The following CERT1 variants were observed in gnomAD, a reference collection of about 807,000 sequenced individuals.
The protein encoded by CERT1 is ceramide transporter 1, also known as ceramide transfer protein.
CERT1 carries 31 observed loss-of-function variants against 87.9 expected under a neutral mutation model. That is an observed-to-expected ratio of 0.35 (90% CI 0.27 to 0.48). The LOEUF is 0.48. Among genes scored for constraint, CERT1 ranks in the 20% least tolerant of loss-of-function variants. The pLI, the probability that CERT1 is intolerant of heterozygous loss-of-function variation, is 0.99. For missense variants in CERT1, 487 were observed against 758.0 expected, an observed-to-expected ratio of 0.64 and a Z score of 4.20; for synonymous variants, 289 against 250.9, an observed-to-expected ratio of 1.15 and a Z score of -1.44.
At chr5:75,416,816 T>A in intron 7 of CERT1, 60 bp downstream of exon 7, 1 of 1,407,450 alleles carries the variant, frequency 7.1e-7, no homozygotes, top group Non-Finnish European at 9.6e-7. Flanking sequence ...TTTTAAATAT[T>A]CAAACAATAC....
chr5:75,368,596 T>G (rs1298172064), exon 18 of CERT1: 1 of 152,232 alleles, frequency 6.6e-6, no homozygotes, highest in Non-Finnish European at 1.5e-5. Flanking sequence ...AAATCTGGGA[T>G]AAAATCCTTG....
chr5:75,437,768 T>TAA (rs201506124), intron 3 of CERT1, among the ~76,000 whole-genome samples: 4 of 110,682 alleles, frequency 3.6e-5, no homozygotes, highest in African/African-American at 3.4e-5. Flanking sequence ...TCTGTCTCAT[T>TAA]AAAAAAAAAA....
chr5:75,504,798 C>T (rs1561310496), intron 2 of CERT1, among the ~76,000 whole-genome samples: 1 of 150,674 alleles, frequency 6.6e-6, no homozygotes, highest in Non-Finnish European at 1.5e-5. Flanking sequence ...CATTCTTAAC[C>T]AGTATGCTAT....
chr5:75,504,751 CTTTTT>C (rs558482615), intron 2 of CERT1, among the ~76,000 whole-genome samples: 2 of 131,566 alleles, frequency 1.5e-5, no homozygotes, highest in African/African-American at 2.8e-5. Context: ...TTAGCCAACA[CTTTTT>C]TTTTTTTTTT....
rs1767977944 is a variant in CERT1 at position 75,511,304 on chromosome 5, A to C, written c.-97T>G. ...GGGGTGAAGGGTCGGGGGATGGCGAAGCGAAGAGTGCCCGCTCCGGTGTGG... is the reference window on the plus strand; with the variant it reads ...GGGGTGAAGGGTCGGGGGATGGCGACGCGAAGAGTGCCCGCTCCGGTGTGG... On this transcript the variant is annotated 5_prime_UTR_variant, in exon 1 of 17. Transcript: ENST00000643780. The C allele has an allele frequency of 1.3e-6, 2 of 1,556,030 alleles. No homozygotes were observed. Among genetic ancestry groups the C allele is most frequent in the Non-Finnish European group, 1.7e-6 (2 of 1,150,266 alleles).
At chr5:75,493,162 T>C (rs1056754925) in intron 2 of CERT1, among the ~76,000 whole-genome samples, 28 of 152,212 alleles carry the variant, frequency 1.8e-4, no homozygotes, top group Non-Finnish European at 4.0e-4. Flanking sequence ...ATGAAAAATT[T>C]CACATATATG....
chr5:75,507,718 A>C (rs1166570576), intron 1 of CERT1, among the ~76,000 whole-genome samples: 2 of 152,242 alleles, frequency 1.3e-5, no homozygotes, highest in Non-Finnish European at 2.9e-5. Flanking sequence ...CAACTATTTT[A>C]TAACTCATGT....
At chr5:75,465,789 T>C (rs1041758285) in intron 2 of CERT1, among the ~76,000 whole-genome samples, 1 of 152,194 alleles carries the variant, frequency 6.6e-6, no homozygotes, top group African/African-American at 2.4e-5. Context: ...TTCCTGTCTC[T>C]TGATTCTCTG....
At chr5:75,439,684 A>G (rs1183198879) in intron 3 of CERT1, among the ~76,000 whole-genome samples, 1 of 152,116 alleles carries the variant, frequency 6.6e-6, no homozygotes, top group African/African-American at 2.4e-5. Flanking sequence ...CTGTGTTGTG[A>G]GCATCCATAC....
In CERT1 at chr5:75,433,879, G is replaced by A. The variant is rs1436216334; in HGVS notation, c.349-7401C>T. ...CCCTGAATTTGTTTATTGGTTCTAG[G>A]AGCCTTTGGGCAGAGACTATGGGGT... On this transcript the variant is annotated intron_variant, in intron 3 of 16. Coordinates refer to ENST00000643780, the MANE Select transcript of CERT1 (RefSeq NM_001379029.1). Among the ~76,000 whole-genome samples, 3 of 152,094 alleles carry A rather than the reference G, an allele frequency of 2.0e-5. No individual in the cohort carries two copies. The East Asian group carries it at 5.8e-4, about 29-fold the overall frequency.
chr5:75,467,659 A>AG (rs1388839586), intron 2 of CERT1, among the ~76,000 whole-genome samples: 3 of 151,536 alleles, frequency 2.0e-5, no homozygotes, highest in Non-Finnish European at 4.4e-5. Flanking sequence ...AGAAAAAAAA[A>AG]AAAAAAAAGT....
chr5:75,442,517 A>T (rs1200065825), intron 3 of CERT1, among the ~76,000 whole-genome samples: 3 of 152,292 alleles, frequency 2.0e-5, no homozygotes, highest in African/African-American at 7.2e-5. Flanking sequence ...CACTGTGCCC[A>T]GCCTTTCTGA....
At chr5:75,392,969 C>CAAAAAAAA (rs1198217217) in intron 11 of CERT1, among the ~76,000 whole-genome samples, 3 of 8,702 alleles carry the variant, frequency 3.4e-4, no homozygotes, top group African/African-American at 5.5e-4. Flanking sequence ...GACTCCGTCT[C>CAAAAAAAA]AAAAAAAAAA....
At chr5:75,396,492 C>T (rs1029156142) in intron 11 of CERT1, among the ~76,000 whole-genome samples, 16 of 151,756 alleles carry the variant, frequency 1.1e-4, no homozygotes, top group African/African-American at 1.5e-4. Flanking sequence ...TTTGGGAGGC[C>T]GAGGCGGGCA....
intron 2 of CERT1, among the ~76,000 whole-genome samples, chr5:75,484,437 C>T (rs1766408054): frequency 6.7e-6 from 1 of 149,466 alleles, no homozygotes; most frequent in Admixed American, 6.7e-5. Context: ...ACTCTCCAAT[C>T]AAAAGACAGA....
At chr5:75,488,027 AG>A (rs1467505690) in intron 2 of CERT1, among the ~76,000 whole-genome samples, 1 of 152,116 alleles carries the variant, frequency 6.6e-6, no homozygotes, top group Non-Finnish European at 1.5e-5. Context: ...TCATGAAAAC[AG>A]AAAGTACAAT....
At chr5:75,395,929 C>T (rs1762234251) in intron 11 of CERT1, among the ~76,000 whole-genome samples, 1 of 152,104 alleles carries the variant, frequency 6.6e-6, no homozygotes, top group African/African-American at 2.4e-5. Flanking sequence ...AACTTGCAGT[C>T]CTTTACAACT....
At chr5:75,438,485 T>C (rs2112235592) in intron 3 of CERT1, among the ~76,000 whole-genome samples, 1 of 152,304 alleles carries the variant, frequency 6.6e-6, no homozygotes, top group African/African-American at 2.4e-5. Context: ...ATTTGTAACA[T>C]GCTTTCAAAA....
chr5:75,487,955 A>G (rs1766601352), intron 2 of CERT1, among the ~76,000 whole-genome samples: 1 of 152,150 alleles, frequency 6.6e-6, no homozygotes, highest in Admixed American at 6.5e-5. Flanking sequence ...AGCCAGGCAC[A>G]GAAAGACAAA....
Sources: allele counts gnomAD v4.1 joint callset (sites outside exome capture counted in the v4.1 genomes callset), GRCh38; gene constraint gnomAD v4.1.1; transcripts MANE v1.5; gene names NCBI Gene and HGNC (gene_info 2026-07-23, HGNC 2026-07-21).